The following ADK variants were observed in gnomAD, a reference collection of about 807,000 sequenced individuals.
The protein encoded by ADK is N6,N6-dimethyladenosine kinase.
A neutral mutation model predicts 44.7 loss-of-function variants in ADK; 24 were observed. The ratio of observed to expected loss-of-function variants is 0.54; its 90% CI spans 0.39 to 0.76. The LOEUF (loss-of-function observed/expected upper bound fraction) is 0.76. ADK is among the 30% of genes least tolerant of loss of function. ADK has a pLI of 0.00. For synonymous variants in ADK, 128 were observed against 142.6 expected (o/e 0.90, Z 0.73); for missense variants, 321 against 425.1 (o/e 0.76, Z 2.15).
chr10:74,219,058 A>G (rs1457525725), intron 2 of ADK, among the ~76,000 whole-genome samples: 2 of 152,160 alleles, frequency 1.3e-5, no homozygotes. Flanking sequence ...GCTCCAATTA[A>G]AAGACACAGA....
intron 6 of ADK, among the ~76,000 whole-genome samples, chr10:74,445,492 A>G (rs779267471): frequency 1.3e-5 from 2 of 151,980 alleles, no homozygotes; most frequent in African/African-American, 2.4e-5. Flanking sequence ...ATTCCTTTAT[A>G]TATTCCTTTA....
intron 7 of ADK, among the ~76,000 whole-genome samples, chr10:74,553,638 T>C (rs550785789): frequency 6.6e-6 from 1 of 152,350 alleles, no homozygotes; most frequent in Admixed American, 6.5e-5. Context: ...TTCTACATTA[T>C]ACCATTCAAA....
At chr10:74,419,700 C>T (rs1279483293) in intron 6 of ADK, among the ~76,000 whole-genome samples, 2 of 152,064 alleles carry the variant, frequency 1.3e-5, no homozygotes, top group East Asian at 1.9e-4. Flanking sequence ...TTAGACCACC[C>T]CAATTGGTAC....
At chr10:74,396,072 T>G (rs965931328) in intron 5 of ADK, among the ~76,000 whole-genome samples, 34 of 152,264 alleles carry the variant, frequency 2.2e-4, no homozygotes, top group African/African-American at 7.9e-4. Flanking sequence ...GTCAAAAACT[T>G]AACTTTTATA....
At chr10:74,319,636 C>G (rs2169684) in intron 4 of ADK, among the ~76,000 whole-genome samples, 1 of 151,932 alleles carries the variant, frequency 6.6e-6, no homozygotes, top group African/African-American at 2.4e-5. Flanking sequence ...ATAATTCAGC[C>G]GATAACAACT....
intron 3 of ADK, among the ~76,000 whole-genome samples, chr10:74,301,779 A>G (rs1840040853): frequency 6.6e-6 from 1 of 152,128 alleles, no homozygotes; most frequent in Non-Finnish European, 1.5e-5. Context: ...TCTTCTTCTA[A>G]AAGAATAATA....
At chr10:74,251,795 C>T (rs1469735589) in intron 3 of ADK, among the ~76,000 whole-genome samples, 2 of 151,624 alleles carry the variant, frequency 1.3e-5, no homozygotes, top group Non-Finnish European at 2.9e-5. Context: ...TATGTCATAG[C>T]TAAGGTCTGT....
chr10:74,164,478 G>A (rs1477277038), intron 1 of ADK, among the ~76,000 whole-genome samples: 3 of 152,216 alleles, frequency 2.0e-5, no homozygotes, highest in Admixed American at 6.5e-5. Flanking sequence ...AGAGGTTGCA[G>A]TGAGCCCAGA....
intron 6 of ADK, among the ~76,000 whole-genome samples, chr10:74,466,725 T>C (rs1846371042): frequency 6.6e-6 from 1 of 152,188 alleles, no homozygotes; most frequent in Non-Finnish European, 1.5e-5. Flanking sequence ...TAGATTAAAG[T>C]TGCTGATTTT....
intron 1 of ADK, chr10:74,176,851 C>T (rs762934894): frequency 2.5e-6 from 4 of 1,607,606 alleles, no homozygotes; most frequent in Non-Finnish European, 2.5e-6. Flanking sequence ...GGCGCCGTGG[C>T]GCTGGGCAGG....
intron 3 of ADK, among the ~76,000 whole-genome samples, chr10:74,242,052 C>G (rs898293471): frequency 7.9e-5 from 12 of 152,138 alleles, no homozygotes; most frequent in African/African-American, 2.7e-4. Flanking sequence ...GTTTCTGTTG[C>G]TTTAAAGCCT....
intron 7 of ADK, among the ~76,000 whole-genome samples, chr10:74,528,930 A>G (rs1216221252): frequency 1.3e-5 from 2 of 152,180 alleles, no homozygotes; most frequent in Non-Finnish European, 2.9e-5. Flanking sequence ...GGAATGTAAA[A>G]TGGGAATGTA....
chr10:74,655,893 G>C (rs1854470737), intron 9 of ADK: 1 of 651,096 alleles, frequency 1.5e-6, no homozygotes. Context: ...TTCTACCCTA[G>C]CTGACCTGAC....
intron 2 of ADK, among the ~76,000 whole-genome samples, chr10:74,215,734 C>T (rs1057141623): frequency 5.9e-4 from 87 of 146,280 alleles, no homozygotes; most frequent in Non-Finnish European, 8.5e-4. Flanking sequence ...GGCTCGATCT[C>T]GGCTCACTGC....
intron 7 of ADK, among the ~76,000 whole-genome samples, chr10:74,584,617 T>A (rs7914902): frequency 0.043 from 6,559 of 152,282 alleles, 435 homozygotes; most frequent in African/African-American, 0.14. Flanking sequence ...CCTGTCTTAA[T>A]CTCTAACCTA....
intron 3 of ADK, among the ~76,000 whole-genome samples, chr10:74,285,910 A>G (rs1022661962): frequency 1.3e-5 from 2 of 152,140 alleles, no homozygotes; most frequent in African/African-American, 4.8e-5. Flanking sequence ...GTACTGTACT[A>G]TGTATTATTG....
At chr10:74,349,307 C>A (rs1841879905) in intron 4 of ADK, among the ~76,000 whole-genome samples, 1 of 152,134 alleles carries the variant, frequency 6.6e-6, no homozygotes, top group South Asian at 2.1e-4. Flanking sequence ...TCATATCCAG[C>A]CAAACTAAGC....
At position 74,560,218 on chromosome 10, in the gene ADK, C is replaced by T. The variant is rs142382338; in HGVS notation, c.727-29064C>T. ...GCAGGCATGAGCCACCATACCCAGCCTGTCTGTTGATTTTATTTTCGGTGC... is the reference window on the plus strand; with the variant it reads ...GCAGGCATGAGCCACCATACCCAGCTTGTCTGTTGATTTTATTTTCGGTGC... On this transcript the variant is annotated intron_variant, in intron 7 of 10. Coordinates refer to ENST00000539909, the MANE Select transcript of ADK (RefSeq NM_006721.4). 2.6e-5 allele frequency among the ~76,000 whole-genome samples: 4 copies of T among 152,320 alleles called. No homozygotes were observed. The East Asian group carries it at 7.7e-4, about 29-fold the overall frequency.
intron 1 of ADK, among the ~76,000 whole-genome samples, chr10:74,177,941 ATATAT>A (rs202066948): frequency 0.048 from 4,258 of 89,076 alleles, 199 homozygotes; most frequent in African/African-American, 0.16. Flanking sequence ...ATATATATAT[ATATAT>A]TTTTTTTTTT....
Sources: allele counts gnomAD v4.1 joint callset (sites outside exome capture counted in the v4.1 genomes callset), GRCh38; gene constraint gnomAD v4.1.1; transcripts MANE v1.5; gene names NCBI Gene and HGNC (gene_info 2026-07-23, HGNC 2026-07-21).